The following ZNF607 variants were observed in gnomAD, a reference collection of about 807,000 sequenced individuals.
ZNF607 encodes zinc finger protein 607.
In ZNF607, 5 loss-of-function variants were observed where a neutral mutation model predicts 12.8. The ratio of observed to expected loss-of-function variants is 0.39; its 90% CI spans 0.20 to 0.82. ZNF607 has a LOEUF of 0.82. Among genes scored for constraint, ZNF607 ranks in the 40% least tolerant of loss-of-function variants. ZNF607 has a pLI of 0.39. For missense variants in ZNF607, 851 were observed against 859.2 expected (o/e 0.99, Z 0.12); for synonymous variants, 287 against 276.2 (o/e 1.04, Z -0.39).
At chr19:37,712,053 G>A (rs2045137966) in intron 1 of ZNF607, among the ~76,000 whole-genome samples, 1 of 152,182 alleles carries the variant, frequency 6.6e-6, no homozygotes, top group African/African-American at 2.4e-5. Flanking sequence ...TAAAAACAGG[G>A]AACATCATCC....
intron 4 of ZNF607, among the ~76,000 whole-genome samples, chr19:37,702,274 C>A (rs2972433): frequency 0.033 from 3,514 of 107,832 alleles, 161 homozygotes; most frequent in African/African-American, 0.12. Context: ...GCAACAACAG[C>A]GAAACTCCAT....
Position 37,698,813 on chromosome 19 carries a change from T to C in ZNF607, c.1318A>G (p.Asn440Asp). The change falls in exon 5 of 5, where the codon AAC becomes GAC. Residue 440 changes from asparagine (N) to aspartate (D), a missense_variant. Physicochemically the swap from Asn to Asp is conservative, Grantham distance 23. Coordinates refer to ENST00000355202, the MANE Select transcript of ZNF607 (RefSeq NM_032689.5). ...GGTTTGTAACCAGTATGAATTCTGTTATGATGGGCAAGGTGTGCACGCTGA... is the reference window on the plus strand; with the variant it reads ...GGTTTGTAACCAGTATGAATTCTGTCATGATGGGCAAGGTGTGCACGCTGA... ...FSQRAHLAHH[N>D]RIHTGYKPFE... 1 of 1,612,698 alleles carries C rather than the reference T, an allele frequency of 6.2e-7. No individual in the cohort carries two copies. The highest frequency in any genetic ancestry group is 8.5e-7 in the Non-Finnish European group (1 of 1,179,514).
intron 4 of ZNF607, among the ~76,000 whole-genome samples, chr19:37,700,700 C>G (rs1444692361): frequency 6.6e-6 from 1 of 151,804 alleles, no homozygotes; most frequent in Non-Finnish European, 1.5e-5. Context: ...AGATCACTAC[C>G]CAACATTTAG....
chr19:37,717,123 A>G (rs2045182175), intron 1 of ZNF607, among the ~76,000 whole-genome samples: 1 of 152,210 alleles, frequency 6.6e-6, no homozygotes, highest in South Asian at 2.1e-4. Flanking sequence ...AACCAATTAA[A>G]TAATCATTTT....
chr19:37,698,946 A>G lies in ZNF607; in HGVS notation c.1185T>C (p.Cys395=). 6.2e-7 allele frequency: 1 copy of G among 1,614,094 alleles called. No individual in the cohort carries two copies. The highest frequency in any genetic ancestry group is 1.3e-5 in the African/African-American group (1 of 75,008). ...GIHSGKKPYE[C]NKCGKSFRLN... is the part of the protein sequence containing the mutation. ...GCCTAAAGGACTTCCCACATTTGTT[A>G]CATTCATAGGGTTTCTTACCACTAT... The change falls in exon 5 of 5, where the codon TGT becomes TGC. Residue 395 remains cysteine (C), a synonymous_variant. Coordinates refer to ENST00000355202, the MANE Select transcript of ZNF607 (RefSeq NM_032689.5).
intron 3 of ZNF607, among the ~76,000 whole-genome samples, chr19:37,708,765 T>C (rs1412894751): frequency 6.6e-6 from 1 of 151,078 alleles, no homozygotes; most frequent in Non-Finnish European, 1.5e-5. Context: ...GGAGAATCAC[T>C]TTAACCCGGG....
chr19:37,711,307 G>A (rs1305277733), intron 2 of ZNF607, among the ~76,000 whole-genome samples: 1 of 152,172 alleles, frequency 6.6e-6, no homozygotes, highest in Non-Finnish European at 1.5e-5. Context: ...AACCTGAAAT[G>A]CGTATTATCT....
chr19:37,696,836 T>G lies in ZNF607; in HGVS notation c.*1204A>C. ...GCCTTTTCCACCACAAATCTGGCGC[T>G]CTCTGCTTCCTGGGGGGCCACCTGT... is the stretch of plus-strand genomic sequence containing the variant. On this transcript the variant is annotated 3_prime_UTR_variant, in exon 5 of 5. Transcript: ENST00000355202. 6 of 932,728 alleles carry G rather than the reference T, an allele frequency of 6.4e-6. No homozygotes were observed. Among genetic ancestry groups the G allele is most frequent in the Middle Eastern group, 2.6e-4 (1 of 3,862 alleles). The allele number at this position is 932,728 out of a possible 1,614,324, so 57.8% of individuals were successfully genotyped here.
In ZNF607 at chr19:37,710,611, T is replaced by C. The variant is rs1285820858; in HGVS notation, c.10-789A>G. On this transcript the variant is annotated intron_variant, in intron 2 of 4. Coordinates refer to ENST00000355202, the MANE Select transcript of ZNF607 (RefSeq NM_032689.5). ...AATGAAGCAGAATTTATACATATTT[T>C]TGAAGAAGCTTGAAACACAAATAAA... Among the ~76,000 whole-genome samples the C allele has an allele frequency of 2.0e-5, 3 of 152,198 alleles. No homozygotes were observed. The East Asian group carries it at 5.8e-4, about 29-fold the overall frequency.
rs775262661 is a variant in ZNF607, at chr19:37,699,479, A to C, written c.652T>G (p.Phe218Val). 3.2e-5 allele frequency: 51 copies of C among 1,613,822 alleles called. No homozygotes were observed. Among genetic ancestry groups the C allele is most frequent in the Non-Finnish European group, 1.4e-5 (17 of 1,179,910 alleles). ...TCGTAGGGTTTCTCACCATAATGAA[A>C]TCTATGATGTACAGTAAGTTGACGG... ...TSRQLTVHHR[F>V]HYGEKPYECK... Residue 218 changes from phenylalanine (F) to valine (V), a missense_variant, in exon 5 of 5, where the codon TTT becomes GTT. By Grantham distance (50) the Phe-to-Val change is conservative. Transcript: ENST00000355202.
rs547952451 is a variant in ZNF607 at position 37,696,400 on chromosome 19, G to C, written c.*1640C>G. ...ATACAGAAGCTAATGTTTATTGAAC[G>C]TAACAGTATATTTCATGTAGTTTCC... On this transcript the variant is annotated 3_prime_UTR_variant, in exon 5 of 5. Transcript: ENST00000355202. The C allele has an allele frequency of 4.9e-6, 1 of 203,220 alleles. No homozygotes were observed. The highest frequency in any genetic ancestry group is 9.9e-6 in the Non-Finnish European group (1 of 100,896). The allele number at this position is 203,220 out of a possible 1,614,324, so 12.6% of individuals were successfully genotyped here. A position where few individuals can be genotyped will look rare whatever the true frequency, so the allele number is the denominator to read the frequency against.
chr19:37,698,749 G>A lies in ZNF607; in HGVS notation c.1382C>T (p.Ala461Val). The stretch of plus-strand genomic sequence containing the variant: ...TCTCTCATGTATAACAAGATATGAG[G>A]CACAACGAAAGGACTTCCCACATTC... ...CKECGKSFRC[A>V]SYLVIHERIH... The change falls in exon 5 of 5, where the codon GCC becomes GTC. Residue 461 changes from alanine to valine, a missense_variant. By Grantham distance (64) the Ala-to-Val change is moderately conservative (BLOSUM62 0). Coordinates refer to ENST00000355202, the MANE Select transcript of ZNF607 (RefSeq NM_032689.5). The A allele has an allele frequency of 6.2e-7, 1 of 1,613,118 alleles. No individual in the cohort carries two copies. Among genetic ancestry groups the A allele is most frequent in the South Asian group, 1.1e-5 (1 of 91,056 alleles).
rs1303292006 is a variant in ZNF607 at position 37,711,656 on chromosome 19, T to C, written c.-38A>G. ...GCAAGAGTTGATCAGTCCTTGGCGT[T>C]TCTCTACCAGAAGAGCAAAGTCAAA... On this transcript the variant is annotated 5_prime_UTR_variant, in exon 2 of 5. Transcript: ENST00000355202. The C allele has an allele frequency of 6.2e-7, 1 of 1,610,430 alleles. No individual in the cohort carries two copies. The highest frequency in any genetic ancestry group is 8.5e-7 in the Non-Finnish European group (1 of 1,177,566).
chr19:37,705,816 T>G (rs535738732), intron 4 of ZNF607, among the ~76,000 whole-genome samples: 133 of 152,178 alleles, frequency 8.7e-4, no homozygotes, highest in African/African-American at 3.1e-3. Context: ...TCTTCCTTTC[T>G]CTCTCTCCCC....
At chr19:37,708,035 C>A in intron 3 of ZNF607, 23 bp from the exon 4 acceptor site, 2 of 1,581,690 alleles carry the variant, frequency 1.3e-6, no homozygotes, top group Non-Finnish European at 1.7e-6. Flanking sequence ...AGAAGTGCCA[C>A]AAAATACGGA....
At chr19:37,707,799 T>G in intron 4 of ZNF607, 115 bp downstream of exon 4, 1 of 792,706 alleles carries the variant, frequency 1.3e-6, no homozygotes, top group Non-Finnish European at 2.1e-6. Context: ...GCCTCCTCGC[T>G]GAGAAGGGAA....
chr19:37,698,167 T>C lies in ZNF607; in HGVS notation c.1964A>G (p.Asn655Ser). ...YMCEECGKAF[N>S]SSHELSIHHR... Reference sequence around the variant, plus strand: ...ATGTATACTAAGTTCATGGCTACTATTAAAAGCTTTCCCACACTCTTCACA... The same window carrying C: ...ATGTATACTAAGTTCATGGCTACTACTAAAAGCTTTCCCACACTCTTCACA... Residue 655 changes from asparagine (N) to serine (S), a missense_variant, in exon 5 of 5, where the codon AAT (asparagine) becomes AGT (serine). Physicochemically the swap from Asn to Ser is conservative, Grantham distance 46. Coordinates refer to ENST00000355202, the MANE Select transcript of ZNF607 (RefSeq NM_032689.5). 4.3e-6 allele frequency: 7 copies of C among 1,614,036 alleles called. No homozygotes were observed. Among genetic ancestry groups the C allele is most frequent in the Non-Finnish European group, 5.9e-6 (7 of 1,180,000 alleles).
At chr19:37,717,902 T>G (rs2045192094) in intron 1 of ZNF607, among the ~76,000 whole-genome samples, 3 of 151,952 alleles carry the variant, frequency 2.0e-5, no homozygotes, top group Admixed American at 2.0e-4. Context: ...GTGTTAAACA[T>G]TAGATCACAG....
In ZNF607 at chr19:37,698,296, G is replaced by A. The variant is rs2044996390; in HGVS notation, c.1835C>T (p.Thr612Ile). ...TTTACATTCATAGGGTTTATCACTG[G>A]TATGAATTCTCTCATGAATAATAAG... is the stretch of plus-strand genomic sequence containing the variant. ...SHLIIHERIH[T>I]SDKPYECKRC... The change falls in exon 5 of 5, where the codon ACC (threonine) becomes ATC (isoleucine). Residue 612 changes from threonine to isoleucine, a missense_variant. Transcript: ENST00000355202. 1 of 1,614,096 alleles carries A rather than the reference G, an allele frequency of 6.2e-7. No individual in the cohort carries two copies. Among genetic ancestry groups the A allele is most frequent in the East Asian group, 2.2e-5 (1 of 44,882 alleles).
Sources: gnomAD v4.1 joint callset for allele counts (sites outside exome capture counted in the v4.1 genomes callset) on GRCh38, gnomAD v4.1.1 for gene constraint, MANE v1.5 for transcripts, NCBI Gene and HGNC (gene_info 2026-07-23, HGNC 2026-07-21) for gene names.